The following LCAT variants were observed in gnomAD, a reference collection of about 807,000 sequenced individuals.
LCAT encodes lecithin-cholesterol acyltransferase.
In LCAT, 15 loss-of-function variants were observed where a neutral mutation model predicts 41.0. That is an observed-to-expected ratio of 0.37 (90% CI 0.24 to 0.56). The LOEUF (loss-of-function observed/expected upper bound fraction) is 0.56. Among genes scored for constraint, LCAT ranks in the 20% least tolerant of loss-of-function variants. The pLI is 0.81. For missense variants in LCAT, 449 were observed against 595.1 expected (o/e 0.75, Z 2.55); for synonymous variants, 248 against 245.4 (o/e 1.01, Z -0.10).
In LCAT at chr16:67,940,002, G is replaced by C; in HGVS notation, c.1225C>G (p.Leu409Val). The C allele has an allele frequency of 1.2e-6, 2 of 1,613,714 alleles. No homozygotes were observed. The highest frequency in any genetic ancestry group is 1.7e-6 in the Non-Finnish European group (2 of 1,180,032). Residue 409 changes from leucine (L) to valine (V), a missense_variant, in exon 6 of 6, where the codon CTG becomes GTG. Coordinates refer to ENST00000264005, the MANE Select transcript of LCAT (RefSeq NM_000229.2). ...IQHLNMVFSNLTLEHINAILL... is the reference protein window; with the variant it reads ...IQHLNMVFSNVTLEHINAILL... ...ATGGCATTGATGTGCTCCAGGGTCA[G>C]GTTGCTGAAGACCATGTTGAGATGC... is the stretch of plus-strand genomic sequence containing the variant.
Position 67,940,234 on chromosome 16 carries a change from A to C in LCAT, c.993T>G (p.Pro331=). The C allele has an allele frequency of 6.2e-7, 1 of 1,613,560 alleles. No individual in the cohort carries two copies. Among genetic ancestry groups the C allele is most frequent in the Non-Finnish European group, 8.5e-7 (1 of 1,179,992 alleles). The change falls in exon 6 of 6, where the codon CCT becomes CCG. Residue 331 remains proline (P), a synonymous_variant. Coordinates refer to ENST00000264005, the MANE Select transcript of LCAT (RefSeq NM_000229.2). The part of the protein sequence containing the change: ...SRDLLAGLPA[P]GVEVYCLYGV... Reference sequence around the variant, plus strand: ...CGTAAAGACAGTATACTTCCACACCAGGTGCTGGGAGTCCTGCCAGGAGGT... The same window carrying C: ...CGTAAAGACAGTATACTTCCACACCCGGTGCTGGGAGTCCTGCCAGGAGGT...
At chr16:67,941,120 A>G (rs921101751) in intron 5 of LCAT, among the ~76,000 whole-genome samples, 1 of 152,140 alleles carries the variant, frequency 6.6e-6, no homozygotes, top group Non-Finnish European at 1.5e-5. Context: ...CCTGGCCAAC[A>G]TGGGGAAACC....
In LCAT at chr16:67,943,793, AG is replaced by A. The variant is rs1395585750; in HGVS notation, c.154+154del. The A allele has an allele frequency of 2.9e-6, 2 of 697,272 alleles. No individual in the cohort carries two copies. Among genetic ancestry groups the A allele is most frequent in the Non-Finnish European group, 4.7e-6 (2 of 423,308 alleles). 43.2% of individuals were successfully genotyped at this position (697,272 alleles called of 1,614,324 possible). A position where few individuals can be genotyped will look rare whatever the true frequency, so the allele number is the denominator to read the frequency against. On this transcript the variant is annotated intron_variant, in intron 1 of 5. Transcript: ENST00000264005. The surrounding 1 kb of genome is among the most constrained non-coding windows in gnomAD (Gnocchi z 4.6). ...TGGGAGAAGGGACGTCATTCCTCTA[AG>A]GGACAAGCTTTTGGCCCCTCCCCAC...
At position 67,942,666 on chromosome 16, in the gene LCAT, C is replaced by T; in HGVS notation, c.523+5G>A. On this transcript the variant is annotated splice_donor_5th_base_variant and intron_variant, in intron 4 of 5. Transcript: ENST00000264005. The surrounding 1 kb of genome is among the most constrained non-coding windows in gnomAD (Gnocchi z 6.6). ...CCCAAGCCGGTCATCCGCAGAGACA[C>T]TCACCGGGCTCCAGCCGCCAGTCAT... 2 of 1,612,846 alleles carry T rather than the reference C, an allele frequency of 1.2e-6. No individual in the cohort carries two copies. The highest frequency in any genetic ancestry group is 1.7e-6 in the Non-Finnish European group (2 of 1,179,950).
In LCAT at chr16:67,942,499, G is replaced by A. The variant is rs1934096756; in HGVS notation, c.612C>T (p.His204=). ...AGAGCAAGTGTAGACAGCCGAGGCT[G>A]TGGCCAATGAGGAAGACAGGCTTCC... ...AYGKPVFLIG[H]SLGCLHLLYF... The change falls in exon 5 of 6, where the codon CAC becomes CAT. Residue 204 remains histidine, a synonymous_variant. Coordinates refer to ENST00000264005, the MANE Select transcript of LCAT (RefSeq NM_000229.2). The surrounding 1 kb of genome is among the most constrained non-coding windows in gnomAD (Gnocchi z 6.6). 6.2e-7 allele frequency: 1 copy of A among 1,613,832 alleles called. No individual in the cohort carries two copies. Among genetic ancestry groups the A allele is most frequent in the Non-Finnish European group, 8.5e-7 (1 of 1,180,006 alleles).
Position 67,942,152 on chromosome 16 carries a change from T to C in LCAT, c.748+211A>G. On this transcript the variant is annotated intron_variant, in intron 5 of 5. Coordinates refer to ENST00000264005, the MANE Select transcript of LCAT (RefSeq NM_000229.2). This position sits in a 1 kb window ranked among gnomAD's most constrained non-coding sequence, Gnocchi z 6.6. ...TTCACTTTCTGTGTTCACTGCCCCT[T>C]TGCCATCACTGACACAGACTCTGGA... 7.2e-7 allele frequency: 1 copy of C among 1,380,842 alleles called. No individual in the cohort carries two copies. Among genetic ancestry groups the C allele is most frequent in the South Asian group, 1.4e-5 (1 of 72,456 alleles). The allele number at this position is 1,380,842 out of a possible 1,614,324, so 85.5% of individuals were successfully genotyped here.
rs761065754 is a variant in LCAT, at chr16:67,940,142, C to G, written c.1085G>C (p.Gly362Ala). The G allele has an allele frequency of 3.1e-6, 5 of 1,613,596 alleles. No individual in the cohort carries two copies. The East Asian group carries it at 1.1e-4, about 36-fold the overall frequency. The change falls in exon 6 of 6, where the codon GGT becomes GCT. Residue 362 changes from glycine to alanine, a missense_variant. Physicochemically the swap from Gly to Ala is moderately conservative, Grantham distance 60. Coordinates refer to ENST00000264005, the MANE Select transcript of LCAT (RefSeq NM_000229.2). ...GTCATCACCATCCTCATAGAGCACA[C>G]CCACAGGGTCCGTGTAGGGGAAGCC... ...DHGFPYTDPV[G>A]VLYEDGDDTV...
At position 67,942,229 on chromosome 16, in the gene LCAT, C is replaced by T. The variant is rs2058295195; in HGVS notation, c.748+134G>A. On this transcript the variant is annotated intron_variant, in intron 5 of 5. Transcript: ENST00000264005. The surrounding 1 kb of genome is among the most constrained non-coding windows in gnomAD (Gnocchi z 6.6). The stretch of plus-strand genomic sequence containing the variant: ...GGGTCACTGCTCTGGGGGCCAGTGA[C>T]AGCAAGCATGCCAGCCCAGGAGTGG... 1.6e-6 allele frequency: 2 copies of T among 1,285,824 alleles called. No individual in the cohort carries two copies. The highest frequency in any genetic ancestry group is 1.1e-6 in the Non-Finnish European group (1 of 914,044). 79.7% of individuals were successfully genotyped at this position (1,285,824 alleles called of 1,614,324 possible).
intron 5 of LCAT, 70 bp from the exon 6 acceptor site, chr16:67,940,548 T>C: frequency 1.3e-6 from 2 of 1,598,460 alleles, no homozygotes; most frequent in Non-Finnish European, 1.7e-6. Context: ...CTGCTGAGTG[T>C]AGGCTCAGCC....
rs2058303968 is a variant in LCAT, at chr16:67,943,330, G to A, written c.155-118C>T. 1.0e-6 allele frequency: 1 copy of A among 964,128 alleles called. No homozygotes were observed. The highest frequency in any genetic ancestry group is 1.7e-5 in the African/African-American group (1 of 59,048). 59.7% of individuals were successfully genotyped at this position (964,128 alleles called of 1,614,324 possible). Reference sequence around the variant, plus strand: ...CACCTCCCATACCCTCAACCCCCAGGTACAAAGCACACTTACCCTCCCCTG... The same window carrying A: ...CACCTCCCATACCCTCAACCCCCAGATACAAAGCACACTTACCCTCCCCTG... On this transcript the variant is annotated intron_variant, in intron 1 of 5. Coordinates refer to ENST00000264005, the MANE Select transcript of LCAT (RefSeq NM_000229.2). The surrounding 1 kb of genome is among the most constrained non-coding windows in gnomAD (Gnocchi z 4.6).
In LCAT at chr16:67,942,654, T is replaced by C. The variant is rs376080205; in HGVS notation, c.523+17A>G. ...CACCTGCCCCACCCCAAGCCGGTCA[T>C]CCGCAGAGACACTCACCGGGCTCCA... On this transcript the variant is annotated intron_variant, in intron 4 of 5. Transcript: ENST00000264005. The surrounding 1 kb of genome is among the most constrained non-coding windows in gnomAD (Gnocchi z 6.6). 2.0e-5 allele frequency: 33 copies of C among 1,612,766 alleles called. No homozygotes were observed. The African/African-American group carries it at 4.3e-4, about 21-fold the overall frequency.
Position 67,943,384 on chromosome 16 carries a change from C to A in LCAT, c.155-172G>T, listed in dbSNP as rs1243365894. ...ACACCCCCTCTCCCTGCTGTCCCCC[C>A]AGTAGCCAAAGCCCAGGCTTCCCTG... On this transcript the variant is annotated intron_variant, in intron 1 of 5. Coordinates refer to ENST00000264005, the MANE Select transcript of LCAT (RefSeq NM_000229.2). The surrounding 1 kb of genome is among the most constrained non-coding windows in gnomAD (Gnocchi z 4.6). The A allele has an allele frequency of 1.0e-5, 7 of 676,040 alleles. No individual in the cohort carries two copies. The highest frequency in any genetic ancestry group is 3.4e-5 in the South Asian group (2 of 59,338). The allele number at this position is 676,040 out of a possible 1,614,324, so 41.9% of individuals were successfully genotyped here.
chr16:67,940,076 T>C lies in LCAT; in HGVS notation c.1151A>G (p.Gln384Arg), dbSNP rs754278588. The C allele has an allele frequency of 1.2e-6, 2 of 1,612,974 alleles. No homozygotes were observed. Among genetic ancestry groups the C allele is most frequent in the Non-Finnish European group, 1.7e-6 (2 of 1,179,996 alleles). The change falls in exon 6 of 6, where the codon CAG becomes CGG. Residue 384 changes from glutamine (Q) to arginine (R), a missense_variant. Coordinates refer to ENST00000264005, the MANE Select transcript of LCAT (RefSeq NM_000229.2). ...GTGCACAGGCTGTGGCTGGCGGCCC[T>C]GCCACAGGCCACAGAGCTCGGTGCT... is the stretch of plus-strand genomic sequence containing the variant. Reference protein sequence around the residue: ...TRSTELCGLWQGRQPQPVHLL... With the variant: ...TRSTELCGLWRGRQPQPVHLL...
chr16:67,942,790 G>A lies in LCAT; in HGVS notation c.428-24C>T. On this transcript the variant is annotated intron_variant, in intron 3 of 5. Coordinates refer to ENST00000264005, the MANE Select transcript of LCAT (RefSeq NM_000229.2). This position sits in a 1 kb window ranked among gnomAD's most constrained non-coding sequence, Gnocchi z 6.6. ...CCCTGTGGGGGGACCAGCAGCACCG[G>A]GGGCTTGGGCCATGCCTGCTGTGGG... 6.2e-7 allele frequency: 1 copy of A among 1,612,796 alleles called. No individual in the cohort carries two copies. The highest frequency in any genetic ancestry group is 8.5e-7 in the Non-Finnish European group (1 of 1,179,782).
In LCAT at chr16:67,939,893, A is replaced by G; in HGVS notation, c.*11T>C. ...ATAGCCATCAGGGCTTACGGTAGCA[A>G]AGGAAGGTCTTTATTCAGGAGGCGG... is the stretch of plus-strand genomic sequence containing the variant. On this transcript the variant is annotated 3_prime_UTR_variant, in exon 6 of 6. Transcript: ENST00000264005. 1 of 1,609,510 alleles carries G rather than the reference A, an allele frequency of 6.2e-7. No individual in the cohort carries two copies. Among genetic ancestry groups the G allele is most frequent in the Non-Finnish European group, 8.5e-7 (1 of 1,177,126 alleles).
rs1598205017 is a variant in LCAT, at chr16:67,943,510, T to G, written c.155-298A>C. 1.9e-6 allele frequency: 1 copy of G among 518,246 alleles called. No homozygotes were observed. Among genetic ancestry groups the G allele is most frequent in the East Asian group, 3.6e-5 (1 of 27,814 alleles). 32.1% of individuals were successfully genotyped at this position (518,246 alleles called of 1,614,324 possible). On this transcript the variant is annotated intron_variant, in intron 1 of 5. Transcript: ENST00000264005. The surrounding 1 kb of genome is among the most constrained non-coding windows in gnomAD (Gnocchi z 4.6). ...GCTCCTTTATTGCCAAAGTCCAAGG[T>G]GGGAACAGATAGGTCTGGGGGCATG...
rs930899111 is a variant in LCAT, at chr16:67,939,799, C to T, written c.*105G>A. 9.1e-6 allele frequency: 14 copies of T among 1,545,158 alleles called. No homozygotes were observed. In the African/African-American group the frequency reaches 1.8e-4, roughly 19 times the overall value. Reference sequence around the variant, plus strand: ...GCCCATCTTGCCTCACTGCACACAGCACTGAGCCTGTGGCTGGTGAGGAGT... The same window carrying T: ...GCCCATCTTGCCTCACTGCACACAGTACTGAGCCTGTGGCTGGTGAGGAGT... On this transcript the variant is annotated 3_prime_UTR_variant, in exon 6 of 6. Transcript: ENST00000264005.
chr16:67,943,319 T>A lies in LCAT; in HGVS notation c.155-107A>T. On this transcript the variant is annotated intron_variant, in intron 1 of 5. Transcript: ENST00000264005. The surrounding 1 kb of genome is among the most constrained non-coding windows in gnomAD (Gnocchi z 4.6). ...GACCCACCCCCCACCTCCCATACCC[T>A]CAACCCCCAGGTACAAAGCACACTT... 1 of 967,866 alleles carries A rather than the reference T, an allele frequency of 1.0e-6. No homozygotes were observed. The highest frequency in any genetic ancestry group is 1.5e-6 in the Non-Finnish European group (1 of 673,880). 60.0% of individuals were successfully genotyped at this position (967,866 alleles called of 1,614,324 possible).
chr16:67,943,581 T>G lies in LCAT; in HGVS notation c.154+367A>C. 2.0e-6 allele frequency: 1 copy of G among 499,614 alleles called. No homozygotes were observed. Among genetic ancestry groups the G allele is most frequent in the Non-Finnish European group, 3.7e-6 (1 of 273,456 alleles). 30.9% of individuals were successfully genotyped at this position (499,614 alleles called of 1,614,324 possible). On this transcript the variant is annotated intron_variant, in intron 1 of 5. Transcript: ENST00000264005. The surrounding 1 kb of genome is among the most constrained non-coding windows in gnomAD (Gnocchi z 4.6). Reference sequence around the variant, plus strand: ...CCGGGCATGGATGGGCCTCTCCTGCTCACCGATCCTGGGCTGGGCATCTTG... The same window carrying G: ...CCGGGCATGGATGGGCCTCTCCTGCGCACCGATCCTGGGCTGGGCATCTTG...
Sources: allele counts gnomAD v4.1 joint callset (sites outside exome capture counted in the v4.1 genomes callset), GRCh38; gene constraint gnomAD v4.1.1; non-coding constraint Gnocchi (gnomAD v3.1); transcripts MANE v1.5; gene names NCBI Gene and HGNC (gene_info 2026-07-23, HGNC 2026-07-21).